The following CNBD1 variants were observed in gnomAD, a reference collection of about 807,000 sequenced individuals.
CNBD1 encodes cyclic nucleotide-binding domain-containing protein 1.
Under a neutral mutation model 54.4 loss-of-function variants are expected in CNBD1, and 71 were observed. The observed-to-expected ratio is 1.30, with a 90% CI of 1.08 to 1.59. The LOEUF is 1.59. Ranked by LOEUF, CNBD1 falls within the 40% of genes most tolerant of loss-of-function variation. The probability of loss-of-function intolerance (pLI) is 0.00; values close to 1 mark genes in which losing one functional copy is unlikely to be tolerated. For synonymous variants in CNBD1, 182 were observed against 170.7 expected (o/e 1.07, Z -0.51); for missense variants, 659 against 518.0 (o/e 1.27, Z -2.64).
intron 5 of CNBD1, among the ~76,000 whole-genome samples, chr8:87,223,182 T>G (rs1814381840): frequency 6.6e-6 from 1 of 151,156 alleles, no homozygotes; most frequent in Non-Finnish European, 1.5e-5. Flanking sequence ...CTATCCTCCC[T>G]TTACCTCCCC....
chr8:87,270,670 T>C (rs1342410880), intron 6 of CNBD1, among the ~76,000 whole-genome samples: 1 of 151,932 alleles, frequency 6.6e-6, no homozygotes, highest in Non-Finnish European at 1.5e-5. Context: ...TCAGGAATAT[T>C]GGCCTGTAGT....
chr8:87,280,993 T>A (rs1011866502), intron 6 of CNBD1, among the ~76,000 whole-genome samples: 2 of 148,712 alleles, frequency 1.3e-5, no homozygotes, highest in Non-Finnish European at 3.0e-5. Context: ...ATTGAGAGAC[T>A]GAGCTATAAA....
At chr8:86,925,840 G>A (rs2131829284) in intron 3 of CNBD1, among the ~76,000 whole-genome samples, 1 of 152,096 alleles carries the variant, frequency 6.6e-6, no homozygotes, top group African/African-American at 2.4e-5. Context: ...CTTCAAGAAT[G>A]GAGCCACGGA....
intron 4 of CNBD1, among the ~76,000 whole-genome samples, chr8:87,125,861 G>A (rs553051703): frequency 5.8e-4 from 88 of 151,700 alleles, no homozygotes; most frequent in Admixed American, 1.2e-3. Context: ...TCTAGACAAA[G>A]CCTAATCTCA....
chr8:86,960,114 C>T (rs1467889385), intron 4 of CNBD1, among the ~76,000 whole-genome samples: 2 of 152,206 alleles, frequency 1.3e-5, no homozygotes, highest in East Asian at 1.9e-4. Flanking sequence ...ACTGAGGTAC[C>T]AGGTTCATCT....
chr8:86,893,157 A>T (rs7827810), intron 2 of CNBD1, among the ~76,000 whole-genome samples: 1 of 152,166 alleles, frequency 6.6e-6, no homozygotes, highest in Non-Finnish European at 1.5e-5. Flanking sequence ...GTGGGCAGAG[A>T]TAGGTGGGAT....
chr8:87,053,456 A>G (rs1265128235), intron 4 of CNBD1, among the ~76,000 whole-genome samples: 2 of 152,176 alleles, frequency 1.3e-5, no homozygotes, highest in Admixed American at 1.3e-4. Context: ...ACCCATCTAG[A>G]AAGAGAAAAG....
chr8:87,390,919 C>G (rs112756576), intron 2 of CNBD1, among the ~76,000 whole-genome samples: 2,851 of 151,992 alleles, frequency 0.019, 91 homozygotes, highest in African/African-American at 0.062. Flanking sequence ...CCATAAAAAA[C>G]GATGAGTTCA....
intron 4 of CNBD1, among the ~76,000 whole-genome samples, chr8:86,996,759 A>T (rs550597604): frequency 6.6e-6 from 1 of 152,324 alleles, no homozygotes; most frequent in East Asian, 1.9e-4. Flanking sequence ...ACTTTAGCCC[A>T]TTTGGGCTGC....
At chr8:87,083,782 G>T (rs903456857) in intron 4 of CNBD1, among the ~76,000 whole-genome samples, 2 of 151,858 alleles carry the variant, frequency 1.3e-5, no homozygotes, top group African/African-American at 2.4e-5. Context: ...TAGAGACAGG[G>T]TTTTACCATG....
chr8:87,305,971 C>T (rs1333123847), intron 8 of CNBD1, among the ~76,000 whole-genome samples: 3 of 152,062 alleles, frequency 2.0e-5, no homozygotes, highest in Admixed American at 1.3e-4. Flanking sequence ...AACAGACAAC[C>T]CACAGAGTGG....
intron 10 of CNBD1, among the ~76,000 whole-genome samples, chr8:87,366,566 A>G (rs1026433100): frequency 2.6e-5 from 4 of 152,074 alleles, no homozygotes; most frequent in Admixed American, 6.6e-5. Context: ...TTTAAGGTTA[A>G]CTCGTTAGTA....
At chr8:87,314,803 T>A (rs2130893761) in intron 8 of CNBD1, among the ~76,000 whole-genome samples, 1 of 151,986 alleles carries the variant, frequency 6.6e-6, no homozygotes, top group South Asian at 2.1e-4. Context: ...ACTAAATATC[T>A]AGAAAAAAGT....
intron 4 of CNBD1, among the ~76,000 whole-genome samples, chr8:87,098,737 A>T (rs1192220723): frequency 9.7e-5 from 4 of 41,170 alleles, no homozygotes; most frequent in Admixed American, 8.2e-4. Flanking sequence ...TAGTAATAAA[A>T]AAAAAAAAAA....
intron 4 of CNBD1, among the ~76,000 whole-genome samples, chr8:86,970,676 A>G: frequency 6.6e-6 from 1 of 152,160 alleles, no homozygotes; most frequent in East Asian, 1.9e-4. Context: ...TGTAGTGTTT[A>G]GCTTCCTCTT....
Position 87,005,541 on chromosome 8 carries a change from G to A in CNBD1, c.431+65787G>A, listed in dbSNP as rs140728762. Among the ~76,000 whole-genome samples the A allele has an allele frequency of 7.5e-3, 1,134 of 151,730 alleles. 18 individuals are homozygous for A. Among genetic ancestry groups the A allele is most frequent in the African/African-American group, 0.025 (1,048 of 41,356 alleles). ...AAATGAAACATTAATTCCATAATTC[G>A]TATCCATGTTTTTGCACTTCTGCTT... On this transcript the variant is annotated intron_variant, in intron 4 of 10. Transcript: ENST00000518476.
At position 86,952,400 on chromosome 8, in the gene CNBD1, G is replaced by T. The variant is rs529602048; in HGVS notation, c.431+12646G>T. On this transcript the variant is annotated intron_variant, in intron 4 of 10. Coordinates refer to ENST00000518476, the MANE Select transcript of CNBD1 (RefSeq NM_173538.3). Reference sequence around the variant, plus strand: ...TTCTACTGTGCTTTAATTATGTACTGCTGATATACAGAGCTATCTATATTT... The same window carrying T: ...TTCTACTGTGCTTTAATTATGTACTTCTGATATACAGAGCTATCTATATTT... Among the ~76,000 whole-genome samples, 3 of 152,080 alleles carry T rather than the reference G, an allele frequency of 2.0e-5. No homozygotes were observed. In the South Asian group the frequency reaches 6.2e-4, roughly 32 times the overall value.
At position 86,948,238 on chromosome 8, in the gene CNBD1, C is replaced by G. The variant is rs549380761; in HGVS notation, c.431+8484C>G. ...AATAAATGTGGGAATAGAGATATCT[C>G]TTCAATATACTGATTTCCTTTCTTT... On this transcript the variant is annotated intron_variant, in intron 4 of 10. Coordinates refer to ENST00000518476, the MANE Select transcript of CNBD1 (RefSeq NM_173538.3). Among the ~76,000 whole-genome samples, 10 of 152,238 alleles carry G rather than the reference C, an allele frequency of 6.6e-5. No individual in the cohort carries two copies. The South Asian group carries it at 2.1e-3, about 32-fold the overall frequency.
intron 2 of CNBD1, among the ~76,000 whole-genome samples, chr8:87,407,869 T>G (rs565518410): frequency 2.3e-4 from 35 of 152,072 alleles, no homozygotes; most frequent in Admixed American, 2.1e-3. Context: ...TTGTAGATCT[T>G]TAATTATTTA....
Sources: gnomAD v4.1 joint callset for allele counts (sites outside exome capture counted in the v4.1 genomes callset) on GRCh38, gnomAD v4.1.1 for gene constraint, MANE v1.5 for transcripts, NCBI Gene and HGNC (gene_info 2026-07-23, HGNC 2026-07-21) for gene names.